The following GRID2 variants were observed in gnomAD, a reference collection of about 807,000 sequenced individuals.
GRID2 encodes the protein glutamate receptor ionotropic, delta-2.
In GRID2, 33 loss-of-function variants were observed where a neutral mutation model predicts 114.8. That is an observed-to-expected ratio of 0.29 (90% confidence interval 0.22 to 0.38). GRID2 has a LOEUF of 0.38. GRID2 is among the 10% of genes least tolerant of loss of function. GRID2 has a pLI of 1.00. For missense variants in GRID2, 1,184 were observed against 1,257.7 expected, an observed-to-expected ratio of 0.94 and a Z score of 0.89; for synonymous variants, 505 against 449.9, an observed-to-expected ratio of 1.12 and a Z score of -1.55.
chr4:92,981,041 A>G lies in GRID2; in HGVS notation c.245-103954A>G, dbSNP rs145012152. ...CAAGGGCAAATAGGTAACTGAAATA[A>G]AAAATATAATTCATTTCTGTCTCAT... On this transcript the variant is annotated intron_variant, in intron 2 of 15. Transcript: ENST00000282020. Among the ~76,000 whole-genome samples the G allele has an allele frequency of 6.2e-4, 94 of 152,228 alleles. 1 individual carries two copies. Among genetic ancestry groups the G allele is most frequent in the African/African-American group, 2.0e-3 (85 of 41,586 alleles).
At chr4:92,473,063 T>G (rs1722119853) in intron 1 of GRID2, among the ~76,000 whole-genome samples, 2 of 152,106 alleles carry the variant, frequency 1.3e-5, no homozygotes, top group Admixed American at 6.6e-5. Context: ...TGAATGATTT[T>G]GGGTTATTTT....
At chr4:93,542,817 CCTT>C (rs1426615973) in intron 13 of GRID2, among the ~76,000 whole-genome samples, 7 of 152,116 alleles carry the variant, frequency 4.6e-5, no homozygotes, top group African/African-American at 1.2e-4. Flanking sequence ...CGACCATTTT[CCTT>C]CTTCTGGTAA....
chr4:92,461,013 ATATT>A (rs1453744953), intron 1 of GRID2, among the ~76,000 whole-genome samples: 2 of 151,648 alleles, frequency 1.3e-5, no homozygotes, highest in Non-Finnish European at 2.9e-5. Context: ...ATTTTACCAC[ATATT>A]TATTTTTCCA....
chr4:92,605,330 A>C (rs1209741018), intron 2 of GRID2, among the ~76,000 whole-genome samples: 1 of 152,044 alleles, frequency 6.6e-6, no homozygotes, highest in Non-Finnish European at 1.5e-5. Flanking sequence ...ATAATTGTTC[A>C]CTTATTTGTA....
chr4:93,232,637 T>G (rs139736488), intron 7 of GRID2, among the ~76,000 whole-genome samples: 6,785 of 151,274 alleles, frequency 0.045, 490 homozygotes, highest in African/African-American at 0.15. Flanking sequence ...TTTATGTAAT[T>G]ATTTTTAATA....
At chr4:92,672,775 T>C (rs1431017103) in intron 2 of GRID2, among the ~76,000 whole-genome samples, 1 of 152,124 alleles carries the variant, frequency 6.6e-6, no homozygotes, top group African/African-American at 2.4e-5. Context: ...CAAGTCAGGG[T>C]AATTAGGATA....
At chr4:93,666,048 A>G (rs962976161) in intron 14 of GRID2, among the ~76,000 whole-genome samples, 1 of 152,162 alleles carries the variant, frequency 6.6e-6, no homozygotes, top group Non-Finnish European at 1.5e-5. Flanking sequence ...AAGGGAAGGT[A>G]CAATAACTGG....
chr4:92,369,113 G>A (rs1729002161), intron 1 of GRID2, among the ~76,000 whole-genome samples: 1 of 151,852 alleles, frequency 6.6e-6, no homozygotes, highest in Admixed American at 6.6e-5. Context: ...GAAATAATGA[G>A]CCAGTAATAT....
chr4:93,232,155 A>G (rs1746221484), intron 7 of GRID2, among the ~76,000 whole-genome samples: 1 of 152,150 alleles, frequency 6.6e-6, no homozygotes, highest in East Asian at 1.9e-4. Context: ...TAAATGTAAG[A>G]CACTAAATAA....
chr4:92,894,144 T>C (rs1442681869), intron 2 of GRID2, among the ~76,000 whole-genome samples: 2 of 152,176 alleles, frequency 1.3e-5, no homozygotes, highest in Non-Finnish European at 2.9e-5. Context: ...CATTATATTT[T>C]TGTCCACATG....
At chr4:92,814,463 G>A (rs1441447857) in intron 2 of GRID2, among the ~76,000 whole-genome samples, 1 of 152,096 alleles carries the variant, frequency 6.6e-6, no homozygotes, top group Non-Finnish European at 1.5e-5. Flanking sequence ...TATTTGTGAG[G>A]ACATGCCCGT....
At chr4:93,288,076 GTGTTTC>G (rs1199958442) in intron 8 of GRID2, among the ~76,000 whole-genome samples, 1 of 152,058 alleles carries the variant, frequency 6.6e-6, no homozygotes, top group Admixed American at 6.6e-5. Context: ...TTTAAGATTT[GTGTTTC>G]TGCCAATAAA....
intron 2 of GRID2, among the ~76,000 whole-genome samples, chr4:92,683,751 A>G (rs1447916647): frequency 6.6e-6 from 1 of 152,104 alleles, no homozygotes; most frequent in Non-Finnish European, 1.5e-5. Flanking sequence ...AAACAAATTT[A>G]GCTATTTTAT....
At chr4:93,526,512 C>T (rs1043611177) in intron 13 of GRID2, among the ~76,000 whole-genome samples, 4 of 152,130 alleles carry the variant, frequency 2.6e-5, no homozygotes, top group African/African-American at 9.7e-5. Context: ...TTATGACTTC[C>T]TTCTTTATTT....
intron 2 of GRID2, among the ~76,000 whole-genome samples, chr4:92,968,976 T>C (rs1479970474): frequency 6.6e-6 from 1 of 151,826 alleles, no homozygotes; most frequent in Non-Finnish European, 1.5e-5. Context: ...CATTTCCATG[T>C]GTTCAAAAAT....
intron 2 of GRID2, among the ~76,000 whole-genome samples, chr4:92,611,564 C>T (rs1212356524): frequency 2.0e-5 from 3 of 151,538 alleles, no homozygotes; most frequent in Admixed American, 6.6e-5. Context: ...TCAGTCATAG[C>T]ATCTTACTAG....
chr4:92,964,740 T>C (rs1753027587), intron 2 of GRID2, among the ~76,000 whole-genome samples: 1 of 151,956 alleles, frequency 6.6e-6, no homozygotes, highest in African/African-American at 2.4e-5. Context: ...CATCTGAAGC[T>C]TTCTGACCTC....
chr4:92,703,232 A>G (rs1392485498), intron 2 of GRID2, among the ~76,000 whole-genome samples: 1 of 152,188 alleles, frequency 6.6e-6, no homozygotes. Context: ...ACATATATCT[A>G]TTTTGTGCTT....
chr4:92,364,664 T>G (rs951018963), intron 1 of GRID2, among the ~76,000 whole-genome samples: 7 of 151,978 alleles, frequency 4.6e-5, no homozygotes, highest in Admixed American at 1.3e-4. Context: ...CCACCTGTGT[T>G]CAGCAGAAGT....
Sources: gnomAD v4.1 joint callset for allele counts (sites outside exome capture counted in the v4.1 genomes callset) on GRCh38, gnomAD v4.1.1 for gene constraint, MANE v1.5 for transcripts, NCBI Gene and HGNC (gene_info 2026-07-23, HGNC 2026-07-21) for gene names.